The following GRM8 variants were observed in gnomAD, a reference collection of about 807,000 sequenced individuals.
GRM8 encodes metabotropic glutamate receptor 8.
GRM8 carries 47 observed loss-of-function variants against 87.2 expected under a neutral mutation model. The observed-to-expected ratio is 0.54, with a 90% CI of 0.43 to 0.69. GRM8 has a LOEUF of 0.69. Among genes scored for constraint, GRM8 ranks in the 30% least tolerant of loss-of-function variants. The pLI is 0.00. For synonymous variants in GRM8, 396 were observed against 404.5 expected, an observed-to-expected ratio of 0.98 and a Z score of 0.25; for missense variants, 1,019 against 1,139.2, an observed-to-expected ratio of 0.89 and a Z score of 1.52.
At chr7:126,571,606 A>G (rs1023234134) in intron 8 of GRM8, among the ~76,000 whole-genome samples, 3 of 152,166 alleles carry the variant, frequency 2.0e-5, no homozygotes, top group Non-Finnish European at 4.4e-5. Context: ...CCTGCCAACA[A>G]GTATTTCCCA....
rs796665236 is a variant in GRM8 at position 126,761,117 on chromosome 7, G to GA, written c.1357+8747dup. Reference sequence around the variant, plus strand: ...GGACGCTGAGGAAAGAGAATTGCTTGAACTCAGGAGGCGGAGGTTGCAGTG... The same window carrying GA: ...GGACGCTGAGGAAAGAGAATTGCTTGAAACTCAGGAGGCGGAGGTTGCAGTG... On this transcript the variant is annotated intron_variant, in intron 7 of 10. Coordinates refer to ENST00000339582, the MANE Select transcript of GRM8 (RefSeq NM_000845.3). 1.5e-3 allele frequency among the ~76,000 whole-genome samples: 235 copies of GA among 152,094 alleles called. 1 individual carries two copies. The highest frequency in any genetic ancestry group is 5.5e-3 in the African/African-American group (227 of 41,488).
At chr7:126,532,762 GAGATATATATATATATATATATATAT>G (rs1373107784) in intron 9 of GRM8, among the ~76,000 whole-genome samples, 164 bp downstream of exon 9, 16 of 80,536 alleles carry the variant, frequency 2.0e-4, no homozygotes, top group African/African-American at 7.1e-4. Context: ...TTGACGGATG[GAGATATATATATATATATATATATAT>G]ATATATATAT....
intron 6 of GRM8, among the ~76,000 whole-genome samples, chr7:126,849,280 G>C (rs954140807): frequency 6.6e-6 from 1 of 150,512 alleles, no homozygotes; most frequent in Non-Finnish European, 1.5e-5. Context: ...TGATGAGAAA[G>C]CATATAGGGA....
intron 3 of GRM8, among the ~76,000 whole-genome samples, chr7:126,951,541 A>G (rs1438127145): frequency 6.6e-6 from 1 of 152,128 alleles, no homozygotes; most frequent in Non-Finnish European, 1.5e-5. Flanking sequence ...GATGGGGAAT[A>G]GTAACACTAA....
intron 9 of GRM8, among the ~76,000 whole-genome samples, chr7:126,520,329 A>T (rs943559858): frequency 1.3e-5 from 2 of 152,168 alleles, no homozygotes; most frequent in African/African-American, 4.8e-5. Flanking sequence ...CATTCAATGA[A>T]TAGTGACCAT....
intron 3 of GRM8, among the ~76,000 whole-genome samples, chr7:126,933,231 T>TTAAAGGGAC (rs925151279): frequency 6.6e-6 from 1 of 152,160 alleles, no homozygotes; most frequent in African/African-American, 2.4e-5. Flanking sequence ...GAAAATATTT[T>TTAAAGGGAC]TAAAGGGACT....
At chr7:126,462,389 T>C (rs1263152476) in intron 9 of GRM8, among the ~76,000 whole-genome samples, 1 of 151,654 alleles carries the variant, frequency 6.6e-6, no homozygotes, top group Non-Finnish European at 1.5e-5. Flanking sequence ...ATTACCCACA[T>C]CACAATAACA....
At chr7:126,581,119 C>G (rs1795569429) in intron 8 of GRM8, among the ~76,000 whole-genome samples, 1 of 151,892 alleles carries the variant, frequency 6.6e-6, no homozygotes, top group Admixed American at 6.6e-5. Flanking sequence ...CAGCTATCAT[C>G]TTGAAAGTTA....
intron 6 of GRM8, among the ~76,000 whole-genome samples, chr7:126,840,395 A>C (rs1363508606): frequency 6.6e-6 from 1 of 152,194 alleles, no homozygotes; most frequent in Non-Finnish European, 1.5e-5. Context: ...AGTATTTCAT[A>C]ACTGACTTTC....
chr7:126,820,276 T>C (rs1225648312), intron 6 of GRM8, among the ~76,000 whole-genome samples: 1 of 152,290 alleles, frequency 6.6e-6, no homozygotes. Flanking sequence ...CTCAAAAAAT[T>C]ATCTTTTGGA....
At chr7:126,757,910 C>G (rs1375945892) in intron 7 of GRM8, among the ~76,000 whole-genome samples, 1 of 152,160 alleles carries the variant, frequency 6.6e-6, no homozygotes, top group African/African-American at 2.4e-5. Flanking sequence ...GGTCATTTTA[C>G]TCCCATATCT....
intron 3 of GRM8, among the ~76,000 whole-genome samples, chr7:126,911,451 A>G (rs1237476699): frequency 6.6e-6 from 1 of 152,230 alleles, no homozygotes; most frequent in Non-Finnish European, 1.5e-5. Context: ...TAAAATGGTT[A>G]AAACTATTAA....
At chr7:126,938,505 A>G (rs950017712) in intron 3 of GRM8, among the ~76,000 whole-genome samples, 3 of 152,340 alleles carry the variant, frequency 2.0e-5, no homozygotes, top group East Asian at 3.9e-4. Flanking sequence ...ATACATATGC[A>G]TGAGCTAAAG....
At chr7:127,177,498 C>T (rs1794180661) in intron 2 of GRM8, among the ~76,000 whole-genome samples, 1 of 152,362 alleles carries the variant, frequency 6.6e-6, no homozygotes, top group African/African-American at 2.4e-5. Context: ...ACTACTACAG[C>T]TGATGCTTTC....
intron 8 of GRM8, among the ~76,000 whole-genome samples, chr7:126,572,899 A>C (rs1794801750): frequency 6.6e-6 from 1 of 152,232 alleles, no homozygotes; most frequent in Admixed American, 6.5e-5. Context: ...CCACAAAGAT[A>C]ATGAAGACAG....
chr7:127,229,845 A>G (rs1797572448), intron 2 of GRM8: 2 of 152,218 alleles, frequency 1.3e-5, no homozygotes, highest in Non-Finnish European at 2.9e-5. Flanking sequence ...GAAAATGGAA[A>G]AGAACCGTGA....
intron 8 of GRM8, among the ~76,000 whole-genome samples, chr7:126,549,686 G>A (rs1792366103): frequency 6.6e-6 from 1 of 152,066 alleles, no homozygotes; most frequent in Non-Finnish European, 1.5e-5. Context: ...TTTTACATTT[G>A]AGGACTAGAG....
At chr7:127,191,836 C>G (rs898707715) in intron 2 of GRM8, among the ~76,000 whole-genome samples, 7 of 152,160 alleles carry the variant, frequency 4.6e-5, no homozygotes, top group African/African-American at 1.2e-4. Context: ...GAATTTCTGA[C>G]AAGCTTCGTT....
chr7:127,249,625 G>A (rs189682997), intron 1 of GRM8, among the ~76,000 whole-genome samples: 245 of 152,208 alleles, frequency 1.6e-3, no homozygotes, highest in Middle Eastern at 6.8e-3. Context: ...GTCGCAATTT[G>A]TCAAATTACC....
Sources: allele counts gnomAD v4.1 joint callset (sites outside exome capture counted in the v4.1 genomes callset), GRCh38; gene constraint gnomAD v4.1.1; transcripts MANE v1.5; gene names NCBI Gene and HGNC (gene_info 2026-07-23, HGNC 2026-07-21).